MBTD1: variants seen among roughly 807,000 people sequenced by gnomAD.
MBTD1 encodes MBT domain-containing protein 1.
In MBTD1, 24 loss-of-function variants were observed where a neutral mutation model predicts 87.8. The ratio of observed to expected loss-of-function variants is 0.27; its 90% CI spans 0.20 to 0.38. The LOEUF (loss-of-function observed/expected upper bound fraction) is 0.38. Among genes scored for constraint, MBTD1 ranks in the 10% least tolerant of loss-of-function variants. MBTD1 has a pLI of 1.00. For missense variants in MBTD1, 436 were observed against 760.2 expected, an observed-to-expected ratio of 0.57 and a Z score of 5.02; for synonymous variants, 237 against 248.6, an observed-to-expected ratio of 0.95 and a Z score of 0.44.
intron 13 of MBTD1, among the ~76,000 whole-genome samples, chr17:51,194,307 C>T (rs1423698155): frequency 2.0e-5 from 3 of 152,114 alleles, no homozygotes; most frequent in Non-Finnish European, 4.4e-5. Context: ...CAGTGGCTCA[C>T]GCCTATAATC....
intron 16 of MBTD1, among the ~76,000 whole-genome samples, chr17:51,187,805 C>T (rs2050610384): frequency 6.7e-6 from 1 of 149,718 alleles, no homozygotes; most frequent in African/African-American, 2.5e-5. Context: ...GCCGACAGTG[C>T]ACCACTGCAC....
chr17:51,214,738 C>T (rs1379022575), intron 6 of MBTD1, among the ~76,000 whole-genome samples: 1 of 152,056 alleles, frequency 6.6e-6, no homozygotes, highest in African/African-American at 2.4e-5. Flanking sequence ...CCGACTTGTA[C>T]TCAAGTAGAA....
chr17:51,247,429 A>T (rs982889195), intron 2 of MBTD1, among the ~76,000 whole-genome samples: 6 of 145,688 alleles, frequency 4.1e-5, no homozygotes, highest in African/African-American at 1.5e-4. Flanking sequence ...TCAGGCTAAG[A>T]AATCAGTATT....
At chr17:51,254,888 T>C (rs983655932) in intron 2 of MBTD1, among the ~76,000 whole-genome samples, 10 of 152,242 alleles carry the variant, frequency 6.6e-5, no homozygotes, top group Non-Finnish European at 1.5e-5. Context: ...GAGATCATTA[T>C]CAGCTATCAA....
At chr17:51,205,785 T>C (rs1169496327) in intron 7 of MBTD1, among the ~76,000 whole-genome samples, 2 of 152,140 alleles carry the variant, frequency 1.3e-5, no homozygotes, top group African/African-American at 2.4e-5. Flanking sequence ...AAAGAGGCCA[T>C]AAAAGATGCT....
chr17:51,205,161 A>T (rs1484714901), intron 7 of MBTD1, among the ~76,000 whole-genome samples: 1 of 152,224 alleles, frequency 6.6e-6, no homozygotes, highest in Non-Finnish European at 1.5e-5. Context: ...AGACAAGTTT[A>T]GTCAGCATTT....
chr17:51,229,965 T>G (rs9897386), intron 2 of MBTD1, among the ~76,000 whole-genome samples: 14,937 of 152,224 alleles, frequency 0.098, 1,116 homozygotes, highest in African/African-American at 0.2. Context: ...GCCAGTATAC[T>G]TTTTTAGTAC....
chr17:51,247,652 A>G (rs1598430505), intron 2 of MBTD1, among the ~76,000 whole-genome samples: 1 of 152,044 alleles, frequency 6.6e-6, no homozygotes, highest in East Asian at 1.9e-4. Flanking sequence ...TCTCACTACA[A>G]TTGCCCAGGC....
At chr17:51,240,223 T>C (rs1284937219) in intron 2 of MBTD1, among the ~76,000 whole-genome samples, 1 of 152,164 alleles carries the variant, frequency 6.6e-6, no homozygotes, top group Non-Finnish European at 1.5e-5. Context: ...GTTTCCCCTA[T>C]TAACATCTTA....
intron 12 of MBTD1, among the ~76,000 whole-genome samples, chr17:51,196,469 C>G (rs533535925): frequency 1.3e-5 from 2 of 151,980 alleles, no homozygotes; most frequent in East Asian, 3.9e-4. Context: ...GGTGACCCAC[C>G]CACCTTGGCC....
rs1186408375 is a variant in MBTD1 at position 51,220,402 on chromosome 17, A to C, written c.216T>G (p.Arg72=). ...TTCTTGAACATGAAACGCTACAGAA[A>C]CGCTTTGTTTTAGAGTAAAAAGCAT... ...VRDAFYSKTK[R]FCSVSCSRSY... The change falls in exon 4 of 17, where the codon CGT becomes CGG. Residue 72 remains arginine, a synonymous_variant. Transcript: ENST00000586178. The C allele has an allele frequency of 3.7e-5, 58 of 1,550,160 alleles. No individual in the cohort carries two copies. The East Asian group carries it at 1.4e-3, about 37-fold the overall frequency.
chr17:51,227,228 C>T (rs1412738383), intron 2 of MBTD1, among the ~76,000 whole-genome samples: 6 of 116,710 alleles, frequency 5.1e-5, no homozygotes, highest in African/African-American at 1.4e-4. Flanking sequence ...GGTGACAGAG[C>T]GAGACTCTGT....
chr17:51,237,240 G>A (rs988077949), intron 2 of MBTD1, among the ~76,000 whole-genome samples: 35 of 144,212 alleles, frequency 2.4e-4, no homozygotes, highest in African/African-American at 8.7e-4. Flanking sequence ...AGGTTGCAGT[G>A]AGCCAAGATC....
intron 7 of MBTD1, 56 bp downstream of exon 7, chr17:51,206,832 C>T (rs1478881568): frequency 3.1e-5 from 37 of 1,184,336 alleles, no homozygotes; most frequent in Middle Eastern, 4.1e-4. Flanking sequence ...GCTTTTTTTA[C>T]GAAAGGTTAC....
At chr17:51,246,136 C>T (rs1428491504) in intron 2 of MBTD1, among the ~76,000 whole-genome samples, 44 of 152,172 alleles carry the variant, frequency 2.9e-4, no homozygotes. Flanking sequence ...AGAAACATTT[C>T]AGATTTTGGA....
chr17:51,196,664 G>A (rs2145132712), intron 12 of MBTD1, among the ~76,000 whole-genome samples: 1 of 151,736 alleles, frequency 6.6e-6, no homozygotes. Context: ...GGCTGAGATG[G>A]GCAGACACCT....
At chr17:51,220,554 A>C in intron 3 of MBTD1, 91 bp from the exon 4 acceptor site, 1 of 1,252,404 alleles carries the variant, frequency 8.0e-7, no homozygotes, top group South Asian at 1.6e-5. Flanking sequence ...TGCCATCTGA[A>C]AGTTTTAATT....
intron 2 of MBTD1, among the ~76,000 whole-genome samples, chr17:51,225,751 A>C (rs1414726231): frequency 1.3e-5 from 2 of 149,522 alleles, no homozygotes; most frequent in Non-Finnish European, 3.0e-5. Context: ...TAATTATGGG[A>C]TGGGCGTGGT....
chr17:51,190,770 T>TATATAA (rs1360538089), intron 16 of MBTD1, among the ~76,000 whole-genome samples: 1 of 111,966 alleles, frequency 8.9e-6, no homozygotes, highest in Non-Finnish European at 1.7e-5. Flanking sequence ...TATATATATA[T>TATATAA]AACCTTATCT....
Sources: allele counts gnomAD v4.1 joint callset (sites outside exome capture counted in the v4.1 genomes callset), GRCh38; gene constraint gnomAD v4.1.1; transcripts MANE v1.5; gene names NCBI Gene and HGNC (gene_info 2026-07-23, HGNC 2026-07-21).